SYT10: variants seen among roughly 807,000 people sequenced by gnomAD.
SYT10 encodes synaptotagmin 10.
In SYT10, 31 loss-of-function variants were observed where a neutral mutation model predicts 51.1. That is an observed-to-expected ratio of 0.61 (90% CI 0.46 to 0.82). SYT10 has a LOEUF of 0.82. SYT10 is among the 40% of genes least tolerant of loss of function. SYT10 has a pLI of 0.00. For synonymous variants in SYT10, 233 were observed against 225.9 expected, an observed-to-expected ratio of 1.03 and a Z score of -0.28; for missense variants, 603 against 634.0, an observed-to-expected ratio of 0.95 and a Z score of 0.53.
chr12:33,404,092 C>G (rs1866330467), intron 3 of SYT10, among the ~76,000 whole-genome samples: 1 of 152,172 alleles, frequency 6.6e-6, no homozygotes, highest in Admixed American at 6.5e-5. Flanking sequence ...GCAGATGTGG[C>G]AGGTGGAATA....
chr12:33,391,507 T>C (rs1866206887), intron 3 of SYT10, among the ~76,000 whole-genome samples: 1 of 152,134 alleles, frequency 6.6e-6, no homozygotes, highest in African/African-American at 2.4e-5. Context: ...GCACTGGCTC[T>C]GGCAATGCCA....
At chr12:33,377,820 G>A (rs1400212128) in intron 6 of SYT10, among the ~76,000 whole-genome samples, 1 of 151,542 alleles carries the variant, frequency 6.6e-6, no homozygotes, top group Non-Finnish European at 1.5e-5. Flanking sequence ...TAGAGACGGG[G>A]TTTCACCATG....
intron 2 of SYT10, among the ~76,000 whole-genome samples, chr12:33,417,951 T>C (rs192341561): frequency 2.0e-3 from 312 of 152,346 alleles, no homozygotes; most frequent in African/African-American, 7.3e-3. Flanking sequence ...AGTTGGGATG[T>C]AAAGTTAAAA....
chr12:33,406,847 TCAAA>T lies in SYT10; in HGVS notation c.1015_1018del (p.Phe339LysfsTer23), dbSNP rs750658161. On this transcript the variant is annotated frameshift_variant, in exon 3 of 7. Coordinates refer to ENST00000228567, the MANE Select transcript of SYT10 (RefSeq NM_198992.4). LOFTEE classifies it high-confidence loss of function. Reference sequence around the variant, plus strand: ...GGCTTCCCTGGAGAGATCAGAGACTTCAAACAAATTATCAAGAATCACTTCCCCA... The same window carrying T: ...GGCTTCCCTGGAGAGATCAGAGACTTCAAATTATCAAGAATCACTTCCCCA... 5.0e-6 allele frequency: 8 copies of T among 1,613,874 alleles called. No homozygotes were observed. Among genetic ancestry groups the T allele is most frequent in the Non-Finnish European group, 6.8e-6 (8 of 1,180,004 alleles).
intron 2 of SYT10, among the ~76,000 whole-genome samples, chr12:33,418,536 T>G (rs1866474400): frequency 6.6e-6 from 1 of 152,196 alleles, no homozygotes; most frequent in African/African-American, 2.4e-5. Context: ...AATCTTTAAA[T>G]ACCACAGGTC....
chr12:33,438,442 G>A (rs1866655702), intron 1 of SYT10, among the ~76,000 whole-genome samples: 1 of 152,158 alleles, frequency 6.6e-6, no homozygotes, highest in Non-Finnish European at 1.5e-5. Context: ...TGCGCCCGAG[G>A]AGCACAGCAG....
At chr12:33,425,969 TTCTC>T (rs1431234510) in intron 2 of SYT10, among the ~76,000 whole-genome samples, 165 bp downstream of exon 2, 1 of 151,554 alleles carries the variant, frequency 6.6e-6, no homozygotes, top group Non-Finnish European at 1.5e-5. Flanking sequence ...GTCCTACCCT[TTCTC>T]TCTTTATTTA....
At chr12:33,377,961 T>C (rs1866078669) in intron 6 of SYT10, among the ~76,000 whole-genome samples, 1 of 152,088 alleles carries the variant, frequency 6.6e-6, no homozygotes, top group Non-Finnish European at 1.5e-5. Context: ...TACTTTAGTC[T>C]TTGTTGTACC....
intron 2 of SYT10, among the ~76,000 whole-genome samples, chr12:33,421,238 T>C (rs1866502126): frequency 6.6e-6 from 1 of 152,214 alleles, no homozygotes; most frequent in African/African-American, 2.4e-5. Flanking sequence ...ATTGTAAATA[T>C]TGTAAATTCA....
In SYT10 at chr12:33,419,698, C is replaced by A. The variant is rs569737474; in HGVS notation, c.509+6440G>T. Reference sequence around the variant, plus strand: ...TGTTTAAAAAAATATGACATAAACACCATAAAAAGAGATGATAAGCAATTG... The same window carrying A: ...TGTTTAAAAAAATATGACATAAACAACATAAAAAGAGATGATAAGCAATTG... On this transcript the variant is annotated intron_variant, in intron 2 of 6. Transcript: ENST00000228567. 3.4e-5 allele frequency among the ~76,000 whole-genome samples: 5 copies of A among 148,642 alleles called. 1 individual carries two copies. The highest frequency in any genetic ancestry group is 1.0e-4 in the African/African-American group (4 of 39,816).
At chr12:33,428,750 C>CA (rs1194478758) in intron 1 of SYT10, among the ~76,000 whole-genome samples, 3 of 151,808 alleles carry the variant, frequency 2.0e-5, no homozygotes, top group Non-Finnish European at 4.4e-5. Context: ...ACTAAAAATA[C>CA]AAAAAATTAG....
rs1317510525 is a variant in SYT10, at chr12:33,406,964, T to A, written c.902A>T (p.Gln301Leu). 1.9e-6 allele frequency: 3 copies of A among 1,614,124 alleles called. No homozygotes were observed. The highest frequency in any genetic ancestry group is 4.5e-5 in the East Asian group (2 of 44,854). The part of the protein sequence containing the change: ...TLNPLFDETF[Q>L]FPVAYDQLSN... ...TAGTTGATCATATGCTACAGGAAATTGAAAAGTTTCATCAAATAGAGGATT... is the reference window on the plus strand; with the variant it reads ...TAGTTGATCATATGCTACAGGAAATAGAAAAGTTTCATCAAATAGAGGATT... Residue 301 changes from glutamine to leucine, a missense_variant, in exon 3 of 7, where the codon CAA (glutamine) becomes CTA (leucine). By Grantham distance (113) the Gln-to-Leu change is moderately radical. Coordinates refer to ENST00000228567, the MANE Select transcript of SYT10 (RefSeq NM_198992.4).
chr12:33,424,796 A>G (rs1351671618), intron 2 of SYT10, among the ~76,000 whole-genome samples: 3 of 152,008 alleles, frequency 2.0e-5, no homozygotes, highest in Non-Finnish European at 4.4e-5. Flanking sequence ...TTATTGAGTT[A>G]CATTACATAA....
At position 33,376,743 on chromosome 12, in the gene SYT10, A is replaced by T. The variant is rs1332850999; in HGVS notation, c.*87T>A. 1 of 1,471,734 alleles carries T rather than the reference A, an allele frequency of 6.8e-7. No individual in the cohort carries two copies. Among genetic ancestry groups the T allele is most frequent in the South Asian group, 1.2e-5 (1 of 85,716 alleles). The allele number at this position is 1,471,734 out of a possible 1,614,324, so 91.2% of individuals were successfully genotyped here. A position where few individuals can be genotyped will look rare whatever the true frequency, so the allele number is the denominator to read the frequency against. ...GTTCATTAGTACGGATATATTTCAAATGAGGAAACCAAACCTTCCACTTTT... is the reference window on the plus strand; with the variant it reads ...GTTCATTAGTACGGATATATTTCAATTGAGGAAACCAAACCTTCCACTTTT... On this transcript the variant is annotated 3_prime_UTR_variant, in exon 7 of 7. Transcript: ENST00000228567.
intron 1 of SYT10, among the ~76,000 whole-genome samples, chr12:33,433,177 C>T (rs1866610608): frequency 6.6e-6 from 1 of 152,144 alleles, no homozygotes; most frequent in African/African-American, 2.4e-5. Context: ...AGGAAATTGG[C>T]ATTGTGCCAG....
chr12:33,415,413 C>T (rs1336342845), intron 2 of SYT10, among the ~76,000 whole-genome samples: 7 of 152,178 alleles, frequency 4.6e-5, no homozygotes, highest in East Asian at 1.9e-4. Context: ...GTGAGCATGT[C>T]GTGGACCACC....
At chr12:33,400,065 C>A (rs1479882739) in intron 3 of SYT10, among the ~76,000 whole-genome samples, 1 of 152,200 alleles carries the variant, frequency 6.6e-6, no homozygotes, top group South Asian at 2.1e-4. Context: ...CAGCCCCTGA[C>A]CAGAAAGGTT....
chr12:33,407,246 C>G lies in SYT10; in HGVS notation c.620G>C (p.Gly207Ala). 6.2e-7 allele frequency: 1 copy of G among 1,614,082 alleles called. No individual in the cohort carries two copies. The highest frequency in any genetic ancestry group is 8.5e-7 in the Non-Finnish European group (1 of 1,180,030). The change falls in exon 3 of 7, where the codon GGG becomes GCG. Residue 207 changes from glycine (G) to alanine (A), a missense_variant. Coordinates refer to ENST00000228567, the MANE Select transcript of SYT10 (RefSeq NM_198992.4). ...TTTGTAGAGTTCTGGCTTTATCCTC[C>G]CAATGCTGGTTGTTGTTTCTCCTCG... ...LQRGETTTSI[G>A]RIKPELYKQK...
chr12:33,390,790 C>T (rs1336887078), intron 3 of SYT10, among the ~76,000 whole-genome samples: 2 of 152,142 alleles, frequency 1.3e-5, no homozygotes, highest in Non-Finnish European at 2.9e-5. Context: ...ACACTGACGA[C>T]TAAGACACAA....
Sources: gnomAD v4.1 joint callset for allele counts (sites outside exome capture counted in the v4.1 genomes callset) on GRCh38, gnomAD v4.1.1 for gene constraint, MANE v1.5 for transcripts, NCBI Gene and HGNC (gene_info 2026-07-23, HGNC 2026-07-21) for gene names.